RBFOX1: variants seen among roughly 807,000 people sequenced by gnomAD.
The protein encoded by RBFOX1 is RNA binding fox-1 homolog 1, also known as RNA binding protein fox-1 homolog 1.
A neutral mutation model predicts 57.7 loss-of-function variants in RBFOX1; 8 were observed. The observed-to-expected ratio is 0.14, with a 90% CI of 0.08 to 0.25. The LOEUF (loss-of-function observed/expected upper bound fraction) is 0.25. Among genes scored for constraint, RBFOX1 ranks in the 10% least tolerant of loss-of-function variants. The pLI is 1.00. For missense variants in RBFOX1, 611 were observed against 548.5 expected, an observed-to-expected ratio of 1.11 and a Z score of -1.14; for synonymous variants, 326 against 222.4, an observed-to-expected ratio of 1.47 and a Z score of -4.15.
intron 3 of RBFOX1, among the ~76,000 whole-genome samples, chr16:6,754,165 T>C (rs997705132): frequency 3.9e-5 from 6 of 152,150 alleles, no homozygotes; most frequent in Non-Finnish European, 8.8e-5. Flanking sequence ...TGAGTACAAA[T>C]TGATTGCAAA....
chr16:7,315,844 C>G (rs1055224219), intron 4 of RBFOX1, among the ~76,000 whole-genome samples: 9 of 152,244 alleles, frequency 5.9e-5, no homozygotes, highest in African/African-American at 2.2e-4. Context: ...CTACATGGCA[C>G]AAGACAGCAG....
intron 3 of RBFOX1, among the ~76,000 whole-genome samples, chr16:6,893,117 A>T (rs769890688): frequency 6.6e-6 from 1 of 152,166 alleles, no homozygotes; most frequent in Non-Finnish European, 1.5e-5. Flanking sequence ...CATTCACAGG[A>T]GCTCACTGTC....
intron 3 of RBFOX1, among the ~76,000 whole-genome samples, chr16:6,667,373 T>C (rs1442819055): frequency 6.6e-6 from 1 of 152,136 alleles, no homozygotes; most frequent in Non-Finnish European, 1.5e-5. Context: ...ATGCCAGGTG[T>C]AATCGTGTGG....
At chr16:7,540,752 C>G (rs1268048051) in intron 5 of RBFOX1, among the ~76,000 whole-genome samples, 1 of 152,124 alleles carries the variant, frequency 6.6e-6, no homozygotes, top group African/African-American at 2.4e-5. Context: ...GATTCTTCAC[C>G]GAAGGGAGTT....
At chr16:6,995,349 C>T (rs1409456780) in intron 3 of RBFOX1, among the ~76,000 whole-genome samples, 1 of 144,704 alleles carries the variant, frequency 6.9e-6, no homozygotes, top group Non-Finnish European at 1.5e-5. Context: ...GGTGATCCTG[C>T]TTTGTATGTG....
chr16:7,652,655 C>G (rs552472073), intron 11 of RBFOX1, among the ~76,000 whole-genome samples: 15 of 152,332 alleles, frequency 9.8e-5, no homozygotes, highest in African/African-American at 3.6e-4. Context: ...ATCCACCTGC[C>G]TCAGCCTCCC....
At chr16:7,026,648 C>T (rs1045843777) in intron 3 of RBFOX1, among the ~76,000 whole-genome samples, 29 of 152,290 alleles carry the variant, frequency 1.9e-4, no homozygotes, top group African/African-American at 6.5e-4. Context: ...GGTCAGGATC[C>T]AGCTGAAACA....
intron 1 of RBFOX1, among the ~76,000 whole-genome samples, chr16:5,379,151 G>C (rs1366504451): frequency 1.3e-5 from 2 of 151,648 alleles, no homozygotes; most frequent in East Asian, 3.8e-4. Context: ...TTAGGAGCCA[G>C]GGCCAGGGTC....
chr16:5,763,121 T>C (rs1405421033), intron 3 of RBFOX1, among the ~76,000 whole-genome samples: 1 of 152,156 alleles, frequency 6.6e-6, no homozygotes, highest in East Asian at 1.9e-4. Context: ...AAGTAGAACA[T>C]AAATGCGCCC....
intron 4 of RBFOX1, among the ~76,000 whole-genome samples, chr16:7,510,536 C>A (rs1016850666): frequency 6.6e-6 from 1 of 150,948 alleles, no homozygotes; most frequent in Non-Finnish European, 1.5e-5. Context: ...CGCGCACGCG[C>A]GCTTTCTGCT....
At chr16:5,735,429 C>T (rs1029261767) in intron 3 of RBFOX1, among the ~76,000 whole-genome samples, 1 of 152,214 alleles carries the variant, frequency 6.6e-6, no homozygotes. Flanking sequence ...ATTAGCGATA[C>T]AACTTTTCTG....
intron 4 of RBFOX1, among the ~76,000 whole-genome samples, chr16:5,897,794 C>T (rs1320364061): frequency 6.6e-6 from 1 of 151,816 alleles, no homozygotes; most frequent in Non-Finnish European, 1.5e-5. Flanking sequence ...CTCAAGACAG[C>T]CAATAAATCA....
chr16:7,047,031 C>G (rs117598452), intron 3 of RBFOX1, among the ~76,000 whole-genome samples: 1 of 147,550 alleles, frequency 6.8e-6, no homozygotes, highest in Non-Finnish European at 1.5e-5. Flanking sequence ...GTATAGAAAG[C>G]TCTTCATGCA....
At chr16:6,786,951 A>G (rs1450557966) in intron 3 of RBFOX1, among the ~76,000 whole-genome samples, 1 of 152,098 alleles carries the variant, frequency 6.6e-6, no homozygotes, top group Admixed American at 6.5e-5. Flanking sequence ...CTTATCTGAA[A>G]GTGTCATGAC....
chr16:7,344,278 A>G (rs887749716), intron 4 of RBFOX1, among the ~76,000 whole-genome samples: 1 of 151,154 alleles, frequency 6.6e-6, no homozygotes, highest in Admixed American at 6.6e-5. Flanking sequence ...CTCCCTAAGT[A>G]CTTAAAATAG....
intron 2 of RBFOX1, among the ~76,000 whole-genome samples, chr16:5,583,647 T>C (rs977530853): frequency 2.6e-5 from 4 of 152,188 alleles, no homozygotes; most frequent in East Asian, 1.9e-4. Flanking sequence ...TCTTTTAACA[T>C]TGGGCTGGGC....
chr16:5,368,307 C>T (rs527425004), intron 1 of RBFOX1, among the ~76,000 whole-genome samples: 2 of 152,262 alleles, frequency 1.3e-5, no homozygotes, highest in Admixed American at 1.3e-4. Flanking sequence ...TGTTCCTGTA[C>T]AATGAAAACC....
At chr16:7,466,196 A>C (rs533480334) in intron 4 of RBFOX1, among the ~76,000 whole-genome samples, 1 of 152,350 alleles carries the variant, frequency 6.6e-6, no homozygotes, top group South Asian at 2.1e-4. Flanking sequence ...TGTAATTTGC[A>C]TCTAATAAAA....
At chr16:5,432,559 G>GTTTTTTTTT (rs35344614) in intron 1 of RBFOX1, among the ~76,000 whole-genome samples, 4 of 94,228 alleles carry the variant, frequency 4.2e-5, no homozygotes, top group Non-Finnish European at 8.2e-5. Context: ...TTGTTTGTTT[G>GTTTTTTTTT]TTTTTTTTTT....
Sources: allele counts gnomAD v4.1 joint callset (sites outside exome capture counted in the v4.1 genomes callset), GRCh38; gene constraint gnomAD v4.1.1; transcripts MANE v1.5; gene names NCBI Gene and HGNC (gene_info 2026-07-23, HGNC 2026-07-21).